Variants in WDFY2 observed in about 807,000 individuals in gnomAD.
The protein encoded by WDFY2 is WD repeat and FYVE domain-containing protein 2.
In WDFY2, 36 loss-of-function variants were observed where a neutral mutation model predicts 56.4. That is an observed-to-expected ratio of 0.64 (90% CI 0.49 to 0.84). The LOEUF (loss-of-function observed/expected upper bound fraction) is 0.84, where lower values mean the gene tolerates loss of function less well. Among genes scored for constraint, WDFY2 ranks in the 40% least tolerant of loss-of-function variants. The pLI, the probability that WDFY2 is intolerant of heterozygous loss-of-function variation, is 0.00. For missense variants in WDFY2, 444 were observed against 512.2 expected (o/e 0.87, Z 1.29); for synonymous variants, 176 against 183.7 (o/e 0.96, Z 0.34).
At chr13:51,702,005 ACTT>A (rs754627784) in intron 3 of WDFY2, among the ~76,000 whole-genome samples, 21 of 152,114 alleles carry the variant, frequency 1.4e-4, no homozygotes, top group Non-Finnish European at 2.6e-4. Flanking sequence ...CAGCTACTTT[ACTT>A]CTTTAAAAAT....
intron 1 of WDFY2, among the ~76,000 whole-genome samples, chr13:51,624,265 A>AAC (rs980026061): frequency 6.6e-6 from 1 of 152,190 alleles, no homozygotes; most frequent in Non-Finnish European, 1.5e-5. Flanking sequence ...CTGATTATTT[A>AAC]TAGTTAAATA....
rs1338842126 is a variant in WDFY2, at chr13:51,584,513, A to G, written c.-175A>G. On this transcript the variant is annotated 5_prime_UTR_variant, in exon 1 of 12. Coordinates refer to ENST00000298125, the MANE Select transcript of WDFY2 (RefSeq NM_052950.4). ...TCGTGGCGGTTTTGGTGCCTGAAGC[A>G]GGGAGCGCGGAGTCGTTCCCGAGAG... 2.4e-6 allele frequency: 2 copies of G among 842,604 alleles called. 1 individual carries two copies. Among genetic ancestry groups the G allele is most frequent in the South Asian group, 4.1e-5 (2 of 49,106 alleles). The allele number at this position is 842,604 out of a possible 1,614,324, so 52.2% of individuals were successfully genotyped here. A position where few individuals can be genotyped will look rare whatever the true frequency, so the allele number is the denominator to read the frequency against.
chr13:51,652,773 C>A (rs538095561), intron 1 of WDFY2, among the ~76,000 whole-genome samples: 6 of 152,192 alleles, frequency 3.9e-5, no homozygotes, highest in South Asian at 2.1e-4. Context: ...CCGAGAGATC[C>A]GCTGTTAGTC....
At chr13:51,655,840 A>G (rs766868563) in intron 1 of WDFY2, among the ~76,000 whole-genome samples, 2 of 152,076 alleles carry the variant, frequency 1.3e-5, no homozygotes, top group Non-Finnish European at 2.9e-5. Context: ...CTCTACTTGT[A>G]ATAGGTTTGT....
At chr13:51,678,882 A>G (rs1261610982) in intron 3 of WDFY2, among the ~76,000 whole-genome samples, 1 of 152,154 alleles carries the variant, frequency 6.6e-6, no homozygotes, top group Non-Finnish European at 1.5e-5. Flanking sequence ...ACAGTGGGAG[A>G]TAATGGTCTA....
At chr13:51,757,882 C>T (rs1339188585) in intron 10 of WDFY2, among the ~76,000 whole-genome samples, 1 of 151,236 alleles carries the variant, frequency 6.6e-6, no homozygotes, top group Non-Finnish European at 1.5e-5. Flanking sequence ...CTTCTGAGCT[C>T]AAACTTAGCA....
At chr13:51,649,575 C>A (rs150121809) in intron 1 of WDFY2, among the ~76,000 whole-genome samples, 9 of 128,476 alleles carry the variant, frequency 7.0e-5, no homozygotes, top group Admixed American at 2.4e-4. Flanking sequence ...TCCCTCCCCC[C>A]ACCCCCTACC....
At chr13:51,680,459 G>C (rs1955958445) in intron 3 of WDFY2, among the ~76,000 whole-genome samples, 1 of 152,140 alleles carries the variant, frequency 6.6e-6, no homozygotes. Context: ...CCCTAATCCA[G>C]TATGATCCTG....
chr13:51,716,600 G>A lies in WDFY2; in HGVS notation c.335-2598G>A, dbSNP rs1952353553. The stretch of plus-strand genomic sequence containing the variant: ...CCCAGCTACTTGGGAGGCTGAGGCA[G>A]GAGAATGGCGTGAACCCGGGAGGCG... On this transcript the variant is annotated intron_variant, in intron 4 of 11. Coordinates refer to ENST00000298125, the MANE Select transcript of WDFY2 (RefSeq NM_052950.4). 2.0e-5 allele frequency among the ~76,000 whole-genome samples: 3 copies of A among 149,274 alleles called. No homozygotes were observed. In the South Asian group the frequency reaches 6.4e-4, roughly 32 times the overall value.
At chr13:51,660,956 A>G (rs141027242) in intron 2 of WDFY2, among the ~76,000 whole-genome samples, 45 of 152,264 alleles carry the variant, frequency 3.0e-4, no homozygotes, top group African/African-American at 1.0e-3. Flanking sequence ...TTGTTCAGCT[A>G]TTTTGTAAAG....
chr13:51,606,190 G>A (rs2138323954), intron 1 of WDFY2, among the ~76,000 whole-genome samples: 1 of 152,262 alleles, frequency 6.6e-6, no homozygotes, highest in African/African-American at 2.4e-5. Context: ...CACATGATAG[G>A]ATTTTTAGAT....
chr13:51,719,842 A>G (rs1055287676), intron 5 of WDFY2, among the ~76,000 whole-genome samples: 1 of 152,154 alleles, frequency 6.6e-6, no homozygotes, highest in Non-Finnish European at 1.5e-5. Flanking sequence ...TGGTATCTAC[A>G]TGGTAATGTT....
At chr13:51,698,120 G>A (rs898590914) in intron 3 of WDFY2, among the ~76,000 whole-genome samples, 8 of 152,198 alleles carry the variant, frequency 5.3e-5, no homozygotes, top group East Asian at 1.9e-4. Context: ...GTTTTAGCTC[G>A]GATTTAAACT....
chr13:51,741,191 T>G (rs1952966257), intron 7 of WDFY2, among the ~76,000 whole-genome samples: 1 of 152,246 alleles, frequency 6.6e-6, no homozygotes, highest in Admixed American at 6.5e-5. Flanking sequence ...GATAGAATCA[T>G]GCCCTTAGAA....
chr13:51,668,255 T>A (rs1955748278), intron 2 of WDFY2, among the ~76,000 whole-genome samples: 1 of 152,164 alleles, frequency 6.6e-6, no homozygotes, highest in Non-Finnish European at 1.5e-5. Flanking sequence ...TTAATCTGAT[T>A]AAGTACAGCA....
chr13:51,604,238 G>A (rs1243357544), intron 1 of WDFY2, among the ~76,000 whole-genome samples: 1 of 152,104 alleles, frequency 6.6e-6, no homozygotes, highest in Non-Finnish European at 1.5e-5. Context: ...TATCGACAAG[G>A]TTTCCAACTA....
At chr13:51,642,704 CG>C (rs1955191911) in intron 1 of WDFY2, among the ~76,000 whole-genome samples, 1 of 108,820 alleles carries the variant, frequency 9.2e-6, no homozygotes, top group South Asian at 3.3e-4. Context: ...TTTTTTGAGA[CG>C]GAGTCTCACT....
intron 4 of WDFY2, among the ~76,000 whole-genome samples, chr13:51,714,995 G>A (rs374816122): frequency 2.6e-5 from 4 of 152,280 alleles, no homozygotes; most frequent in South Asian, 4.1e-4. Flanking sequence ...AATAGAAAAG[G>A]TACAGTAAAA....
At chr13:51,667,459 C>T (rs1593961224) in intron 2 of WDFY2, among the ~76,000 whole-genome samples, 1 of 152,146 alleles carries the variant, frequency 6.6e-6, no homozygotes, top group Non-Finnish European at 1.5e-5. Context: ...GCTTATTCCA[C>T]CTCCTCTGCT....
Sources: allele counts gnomAD v4.1 joint callset (sites outside exome capture counted in the v4.1 genomes callset), GRCh38; gene constraint gnomAD v4.1.1; transcripts MANE v1.5; gene names NCBI Gene and HGNC (gene_info 2026-07-23, HGNC 2026-07-21).